MTHFD1: variants seen among roughly 807,000 people sequenced by gnomAD.
MTHFD1 encodes the protein C-1-tetrahydrofolate synthase, cytoplasmic.
MTHFD1 carries 44 observed loss-of-function variants against 110.3 expected under a neutral mutation model. That is an observed-to-expected ratio of 0.40 (90% confidence interval 0.31 to 0.51). MTHFD1 has a LOEUF of 0.51. Ranked by LOEUF, MTHFD1 falls within the 20% of genes least tolerant of loss-of-function variation. The pLI, the probability that MTHFD1 is intolerant of heterozygous loss-of-function variation, is 0.60. For missense variants in MTHFD1, 909 were observed against 1,173.1 expected (o/e 0.77, Z 3.29); for synonymous variants, 402 against 428.8 (o/e 0.94, Z 0.77).
At chr14:64,445,973 T>C (rs966783192) in intron 22 of MTHFD1, among the ~76,000 whole-genome samples, 1 of 152,226 alleles carries the variant, frequency 6.6e-6, no homozygotes, top group African/African-American at 2.4e-5. Context: ...ATAATGAACC[T>C]AGTTGTTTTC....
chr14:64,420,395 T>A (rs2078059244), intron 8 of MTHFD1, among the ~76,000 whole-genome samples: 1 of 152,188 alleles, frequency 6.6e-6, no homozygotes, highest in Non-Finnish European at 1.5e-5. Context: ...TCTAGCCTTT[T>A]AATCATGTCC....
At chr14:64,454,149 A>T (rs556350632) in intron 25 of MTHFD1, among the ~76,000 whole-genome samples, 295 of 152,322 alleles carry the variant, frequency 1.9e-3, no homozygotes, top group African/African-American at 6.8e-3. Context: ...GTCTGGCTCC[A>T]TTGCCCAGGC....
At chr14:64,449,220 T>A (rs2078332684) in intron 23 of MTHFD1, 5 of 603,526 alleles carry the variant, frequency 8.3e-6, no homozygotes. Context: ...GTGCTGTGAT[T>A]ATTCGCGTAT....
chr14:64,438,458 A>ATAC (rs1443035363), intron 16 of MTHFD1, among the ~76,000 whole-genome samples: 4 of 152,196 alleles, frequency 2.6e-5, no homozygotes, highest in Non-Finnish European at 4.4e-5. Flanking sequence ...TACACTACAC[A>ATAC]TACCAAAAGC....
intron 7 of MTHFD1, among the ~76,000 whole-genome samples, chr14:64,418,780 T>C (rs2078046732): frequency 6.6e-6 from 1 of 152,030 alleles, no homozygotes; most frequent in Non-Finnish European, 1.5e-5. Context: ...GGTCTTGAAC[T>C]CCTGACCTCA....
intron 21 of MTHFD1, 58 bp from the exon 22 acceptor site, chr14:64,444,635 T>C (rs371786710): frequency 4.7e-4 from 745 of 1,599,496 alleles, no homozygotes; most frequent in Non-Finnish European, 5.9e-4. Context: ...AAAAGCACCA[T>C]TTTAAGCTAG....
At chr14:64,412,361 G>A (rs2077991179) in intron 3 of MTHFD1, 111 bp from the exon 4 acceptor site, 2 of 807,250 alleles carry the variant, frequency 2.5e-6, no homozygotes, top group African/African-American at 3.4e-5. Context: ...GAACATATAA[G>A]GGTGAAATGA....
chr14:64,412,015 G>A (rs2077989266), intron 3 of MTHFD1, among the ~76,000 whole-genome samples: 1 of 152,196 alleles, frequency 6.6e-6, no homozygotes, highest in African/African-American at 2.4e-5. Context: ...ATATACATTT[G>A]TGTCTGGTGG....
In MTHFD1 at chr14:64,442,260, C is replaced by T. The variant is rs2140975910; in HGVS notation, c.1997-3C>T. ...ATTTTTACTGTTGCTTTCCTCTTTACAGTGACGGAAGCAGGATTTGGAGCA... is the reference window on the plus strand; with the variant it reads ...ATTTTTACTGTTGCTTTCCTCTTTATAGTGACGGAAGCAGGATTTGGAGCA... On this transcript the variant is annotated splice_region_variant and splice_polypyrimidine_tract_variant and intron_variant, in intron 20 of 27. Coordinates refer to ENST00000652337, the MANE Select transcript of MTHFD1 (RefSeq NM_005956.4). 6.2e-7 allele frequency: 1 copy of T among 1,614,246 alleles called. No individual in the cohort carries two copies. Among genetic ancestry groups the T allele is most frequent in the Non-Finnish European group, 8.5e-7 (1 of 1,180,044 alleles).
chr14:64,458,815 A>G (rs1213024984), intron 27 of MTHFD1, among the ~76,000 whole-genome samples: 1 of 152,210 alleles, frequency 6.6e-6, no homozygotes, highest in African/African-American at 2.4e-5. Flanking sequence ...ACCGACTGCA[A>G]TGAGTGACAT....
rs546031368 is a variant in MTHFD1, at chr14:64,450,158, G to T, written c.2457+536G>T. Among the ~76,000 whole-genome samples, 30 of 152,306 alleles carry T rather than the reference G, an allele frequency of 2.0e-4. 1 individual carries two copies. The highest frequency in any genetic ancestry group is 1.0e-3 in the South Asian group (5 of 4,826). ...GGGATTTAAGCAGGAATACCCCAGG[G>T]TGGAGGGGGAACCGTTGCTCATATC... On this transcript the variant is annotated intron_variant, in intron 24 of 27. Coordinates refer to ENST00000652337, the MANE Select transcript of MTHFD1 (RefSeq NM_005956.4).
chr14:64,394,918 C>T (rs1345579893), intron 1 of MTHFD1, among the ~76,000 whole-genome samples: 1 of 152,198 alleles, frequency 6.6e-6, no homozygotes, highest in Non-Finnish European at 1.5e-5. Flanking sequence ...ACCTTCCCCT[C>T]TGATGATCCA....
chr14:64,435,727 C>A, intron 16 of MTHFD1, 56 bp downstream of exon 16: 1 of 1,009,102 alleles, frequency 9.9e-7, no homozygotes, highest in South Asian at 1.3e-5. Context: ...CACCCTACAC[C>A]CTCCAGAAGA....
intron 26 of MTHFD1, 114 bp from the exon 27 acceptor site, chr14:64,458,100 A>C (rs2078504313): frequency 1.2e-6 from 1 of 825,582 alleles, no homozygotes; most frequent in South Asian, 1.3e-5. Context: ...TATGTTGCCC[A>C]GGGTGGTTTA....
chr14:64,437,919 G>T (rs1026058094), intron 16 of MTHFD1, among the ~76,000 whole-genome samples: 1 of 152,096 alleles, frequency 6.6e-6, no homozygotes, highest in Admixed American at 6.5e-5. Context: ...TGTTGCCTAG[G>T]CTAGAGTGCA....
intron 1 of MTHFD1, 148 bp downstream of exon 1, chr14:64,388,616 A>G: frequency 6.5e-6 from 5 of 769,616 alleles, no homozygotes; most frequent in Non-Finnish European, 1.1e-5. Flanking sequence ...CCAAAGAAAG[A>G]GAACCCGGGC....
intron 8 of MTHFD1, among the ~76,000 whole-genome samples, chr14:64,420,195 G>A (rs190315497): frequency 6.6e-6 from 1 of 152,256 alleles, no homozygotes; most frequent in East Asian, 1.9e-4. Context: ...GGGAGGGCAG[G>A]AGGGATATAT....
At chr14:64,434,664 G>A (rs752438969) in intron 15 of MTHFD1, among the ~76,000 whole-genome samples, 110 of 152,228 alleles carry the variant, frequency 7.2e-4, no homozygotes, top group Non-Finnish European at 1.3e-3. Flanking sequence ...CATTTCAAAT[G>A]TATACTTATG....
chr14:64,451,230 C>T (rs1322758741), intron 24 of MTHFD1, among the ~76,000 whole-genome samples: 1 of 152,030 alleles, frequency 6.6e-6, no homozygotes, highest in Non-Finnish European at 1.5e-5. Context: ...CTATATTGCT[C>T]AGGCTGGTCT....
Sources: gnomAD v4.1 joint callset for allele counts (sites outside exome capture counted in the v4.1 genomes callset) on GRCh38, gnomAD v4.1.1 for gene constraint, MANE v1.5 for transcripts, NCBI Gene and HGNC (gene_info 2026-07-23, HGNC 2026-07-21) for gene names.